Variants in FBXO34 observed in about 807,000 individuals in gnomAD.
FBXO34 encodes the protein F-box only protein 34.
A neutral mutation model predicts 24.5 loss-of-function variants in FBXO34; 12 were observed. The observed-to-expected ratio is 0.49, with a 90% CI of 0.31 to 0.79. FBXO34 has a LOEUF of 0.79. Ranked by LOEUF, FBXO34 falls within the 30% of genes least tolerant of loss-of-function variation. FBXO34 has a pLI of 0.04. For synonymous variants in FBXO34, 320 were observed against 311.9 expected (o/e 1.03, Z -0.27); for missense variants, 823 against 857.7 (o/e 0.96, Z 0.51).
At chr14:55,418,573 G>C in the FBXO34 span, among the ~76,000 whole-genome samples, 8 of 152,154 alleles carry the variant, frequency 5.3e-5, no homozygotes, top group South Asian at 2.1e-4. Context: ...ACATCCTGTC[G>C]TGTCTCTGGC....
intron 1 of FBXO34, among the ~76,000 whole-genome samples, chr14:55,320,940 G>C (rs1883112929): frequency 6.6e-6 from 1 of 151,928 alleles, no homozygotes; most frequent in Non-Finnish European, 1.5e-5. Flanking sequence ...AAATACCTCT[G>C]GTTCACTAAA....
chr14:55,278,874 A>G (rs1020590517), intron 1 of FBXO34, among the ~76,000 whole-genome samples: 3 of 152,230 alleles, frequency 2.0e-5, no homozygotes, highest in Admixed American at 2.0e-4. Context: ...TTTTGTAGAG[A>G]TGAGGTCTCG....
chr14:55,442,664 C>T, the FBXO34 span, among the ~76,000 whole-genome samples: 2 of 152,148 alleles, frequency 1.3e-5, no homozygotes, highest in Non-Finnish European at 2.9e-5. Flanking sequence ...ATTGGAATTT[C>T]ATATAATTGC....
chr14:55,331,517 G>T (rs1883530802), intron 1 of FBXO34, among the ~76,000 whole-genome samples: 1 of 146,428 alleles, frequency 6.8e-6, no homozygotes, highest in Admixed American at 6.9e-5. Context: ...ATATTAATTT[G>T]GTTAGAGTTT....
At chr14:55,427,112 C>T in the FBXO34 span, among the ~76,000 whole-genome samples, 1 of 152,242 alleles carries the variant, frequency 6.6e-6, no homozygotes, top group South Asian at 2.1e-4. Flanking sequence ...AACTTAAGCA[C>T]TGGGAGACTC....
chr14:55,366,605 ATAC>A (rs1040252326), downstream of FBXO34: 1 of 151,444 alleles, frequency 6.6e-6, no homozygotes, highest in Non-Finnish European at 1.5e-5. Context: ...CAATGGTGAT[ATAC>A]TGTTTTTCCC....
the FBXO34 span, chr14:55,440,520 C>T: frequency 6.8e-6 from 11 of 1,609,708 alleles, no homozygotes; most frequent in Non-Finnish European, 8.5e-6. Flanking sequence ...CCTCGGAACC[C>T]GCTCCGGCCA....
At chr14:55,294,963 G>T (rs1882070463) in intron 1 of FBXO34, among the ~76,000 whole-genome samples, 1 of 152,194 alleles carries the variant, frequency 6.6e-6, no homozygotes, top group Admixed American at 6.5e-5. Context: ...AACATTCTTA[G>T]AATATGAACA....
At chr14:55,377,715 T>C in the FBXO34 span, 1 of 737,572 alleles carries the variant, frequency 1.4e-6, no homozygotes. Flanking sequence ...TTGTCCGGTT[T>C]GAGGAGTTTG....
intron 3 of FBXO34, among the ~76,000 whole-genome samples, chr14:55,360,568 C>T (rs1884580080): frequency 6.6e-6 from 1 of 152,176 alleles, no homozygotes; most frequent in African/African-American, 2.4e-5. Flanking sequence ...GGAATCAACT[C>T]ATAAACCCTG....
the FBXO34 span, chr14:55,385,978 T>C: frequency 6.2e-7 from 1 of 1,614,182 alleles, no homozygotes; most frequent in Non-Finnish European, 8.5e-7. Flanking sequence ...TCTTTTTTTC[T>C]ACCAGGTCAC....
rs184333135 is a variant in FBXO34 at position 55,352,910 on chromosome 14, T to C, written c.*384T>C. 1 of 183,914 alleles carries C rather than the reference T, an allele frequency of 5.4e-6. No individual in the cohort carries two copies. Among genetic ancestry groups the C allele is most frequent in the East Asian group, 1.7e-4 (1 of 5,952 alleles). 11.4% of individuals were successfully genotyped at this position (183,914 alleles called of 1,614,324 possible). A position where few individuals can be genotyped will look rare whatever the true frequency, so the allele number is the denominator to read the frequency against. ...TGGGTTCCAGAAATGTTTTGAGCAC[T>C]GGCAACATATTTGAAATAAGTGAAT... is the stretch of plus-strand genomic sequence containing the variant. On this transcript the variant is annotated 3_prime_UTR_variant, in exon 2 of 2. Transcript: ENST00000313833.
At chr14:55,370,488 G>A (rs917131891), downstream of FBXO34, among the ~76,000 whole-genome samples, 8 of 152,140 alleles carry the variant, frequency 5.3e-5, no homozygotes, top group Non-Finnish European at 1.0e-4. Context: ...GTATATTTCT[G>A]CACTGTATTT....
chr14:55,424,288 CA>C, the FBXO34 span: 4 of 1,377,474 alleles, frequency 2.9e-6, no homozygotes, highest in Admixed American at 1.7e-5. Flanking sequence ...TTAAAAATAG[CA>C]CTATTCAGCT....
the FBXO34 span, among the ~76,000 whole-genome samples, chr14:55,384,928 G>A: frequency 6.6e-6 from 1 of 152,206 alleles, no homozygotes; most frequent in African/African-American, 2.4e-5. Context: ...TTGGAGGGGT[G>A]CCCTCTGGAA....
rs780437673 is a variant in FBXO34 at position 55,351,995 on chromosome 14, C to G, written c.1605C>G (p.Ala535=). ...SGSAEPFVLP[A]SSVESTLPVL... ...CTGCTGAGCCATTTGTACTGCCAGC[C>G]TCTTCTGTGGAAAGTACATTACCAG... Residue 535 remains alanine (A), a synonymous_variant, in exon 2 of 2, where the codon GCC becomes GCG. Coordinates refer to ENST00000313833, the MANE Select transcript of FBXO34 (RefSeq NM_017943.4). 3 of 1,614,062 alleles carry G rather than the reference C, an allele frequency of 1.9e-6. No homozygotes were observed. In the African/African-American group the frequency reaches 4.0e-5, roughly 22 times the overall value.
At position 55,284,513 on chromosome 14, in the gene FBXO34, C is replaced by CAAA. The variant is rs777112072; in HGVS notation, c.-11+12993_-11+12995dup. ...GGCAACAAGAGTGAACCTCTGTCTCCAAAAAAAAAAAAAAAAAAAGTGAAT... is the reference window on the plus strand; with the variant it reads ...GGCAACAAGAGTGAACCTCTGTCTCCAAAAAAAAAAAAAAAAAAAAAAGTGAAT... On this transcript the variant is annotated intron_variant, in intron 1 of 1. Transcript: ENST00000313833. 9.3e-3 allele frequency among the ~76,000 whole-genome samples: 782 copies of CAAA among 84,100 alleles called. 16 individuals carry two copies. Among genetic ancestry groups the CAAA allele is most frequent in the African/African-American group, 0.033 (745 of 22,624 alleles). 55.2% of individuals were successfully genotyped at this position (84,100 alleles called of 152,430 possible).
chr14:55,385,647 G>A, the FBXO34 span, among the ~76,000 whole-genome samples: 4 of 152,300 alleles, frequency 2.6e-5, no homozygotes, highest in South Asian at 8.3e-4. Flanking sequence ...GAAGCTCTAG[G>A]ACAGTACACA....
In FBXO34 at chr14:55,352,426, A is replaced by G. The variant is rs1566569873; in HGVS notation, c.2036A>G (p.Lys679Arg). The change falls in exon 2 of 2, where the codon AAG becomes AGG. Residue 679 changes from lysine (K) to arginine (R), a missense_variant. Coordinates refer to ENST00000313833, the MANE Select transcript of FBXO34 (RefSeq NM_017943.4). ...TCTCAGAAAGGATTCCCTGGCTGTA[A>G]GCTGGGGCTTCATGACAATCACTGG... The part of the protein sequence containing the change: ...HRSQKGFPGC[K>R]LGLHDNHWVP... 6.2e-7 allele frequency: 1 copy of G among 1,614,230 alleles called. No individual in the cohort carries two copies. The highest frequency in any genetic ancestry group is 8.5e-7 in the Non-Finnish European group (1 of 1,180,038).
Sources: allele counts gnomAD v4.1 joint callset (sites outside exome capture counted in the v4.1 genomes callset), GRCh38; gene constraint gnomAD v4.1.1; transcripts MANE v1.5; gene names NCBI Gene and HGNC (gene_info 2026-07-23, HGNC 2026-07-21).